CCDC136: variants seen among roughly 807,000 people sequenced by gnomAD.
CCDC136 encodes the protein coiled-coil domain containing 136, also known as coiled-coil domain-containing protein 136.
A neutral mutation model predicts 141.2 loss-of-function variants in CCDC136; 100 were observed. That is an observed-to-expected ratio of 0.71 (90% confidence interval 0.60 to 0.84). The LOEUF (loss-of-function observed/expected upper bound fraction) is 0.84. Among genes scored for constraint, CCDC136 ranks in the 40% least tolerant of loss-of-function variants. CCDC136 has a pLI of 0.00. For synonymous variants in CCDC136, 474 were observed against 531.9 expected (o/e 0.89, Z 1.50); for missense variants, 1,206 against 1,379.4 (o/e 0.87, Z 1.99).
Position 128,805,606 on chromosome 7 carries a change from A to G in CCDC136, c.948+82A>G. The G allele has an allele frequency of 6.5e-7, 1 of 1,526,946 alleles. No homozygotes were observed. The highest frequency in any genetic ancestry group is 8.9e-7 in the Non-Finnish European group (1 of 1,121,302). The allele number at this position is 1,526,946 out of a possible 1,614,324, so 94.6% of individuals were successfully genotyped here. On this transcript the variant is annotated intron_variant, in intron 6 of 17. Coordinates refer to ENST00000297788, the MANE Select transcript of CCDC136 (RefSeq NM_022742.5). The surrounding 1 kb of genome is among the most constrained non-coding windows in gnomAD (Gnocchi z 4.6). ...CCCAGCCTGTGGTAGAAACATCTCC[A>G]TAGGCATCCACTGTGGAGGGAGATA... is the stretch of plus-strand genomic sequence containing the variant.
rs1807430356 is a variant in CCDC136 at position 128,821,490 on chromosome 7, T to G, written c.*6-309T>G. Among the ~76,000 whole-genome samples, 4 of 152,186 alleles carry G rather than the reference T, an allele frequency of 2.6e-5. No homozygotes were observed. On this transcript the variant is annotated intron_variant, in intron 17 of 17. Coordinates refer to ENST00000297788, the MANE Select transcript of CCDC136 (RefSeq NM_022742.5). The surrounding 1 kb of genome is among the most constrained non-coding windows in gnomAD (Gnocchi z 5.1). ...TCTTGCCATGGCATCCAGTCCTTTC[T>G]CATTGCAACCACTTGGAAGTCTGGC...
chr7:128,813,833 T>A (rs567782283), intron 14 of CCDC136, among the ~76,000 whole-genome samples: 52 of 152,026 alleles, frequency 3.4e-4, no homozygotes, highest in African/African-American at 1.3e-3. Context: ...ATACACAAAA[T>A]TAGCTGGGCA....
At chr7:128,803,284 G>A (rs1366148965) in intron 4 of CCDC136, among the ~76,000 whole-genome samples, 1 of 152,154 alleles carries the variant, frequency 6.6e-6, no homozygotes, top group Non-Finnish European at 1.5e-5. Context: ...GGGATCACAG[G>A]TGTAAACCAC....
chr7:128,815,970 G>A (rs374229736), intron 16 of CCDC136, 39 bp downstream of exon 16: 4 of 1,570,986 alleles, frequency 2.5e-6, no homozygotes, highest in African/African-American at 1.4e-5. Flanking sequence ...GGGAAGTGGG[G>A]TCTTGGGCTC....
chr7:128,812,602 C>G, intron 13 of CCDC136, 106 bp from the exon 14 acceptor site: 1 of 897,576 alleles, frequency 1.1e-6, no homozygotes, highest in Non-Finnish European at 1.8e-6. Context: ...GCGGGCATCT[C>G]TGGATCCTGG....
chr7:128,819,399 G>T (rs932195364), intron 17 of CCDC136, among the ~76,000 whole-genome samples: 1 of 152,194 alleles, frequency 6.6e-6, no homozygotes, highest in Non-Finnish European at 1.5e-5. Flanking sequence ...TTGTCCCAGG[G>T]AGCAAAATGC....
Position 128,817,096 on chromosome 7 carries a change from A to C in CCDC136, c.3364-662A>C, listed in dbSNP as rs1806751597. On this transcript the variant is annotated intron_variant, in intron 16 of 17. Coordinates refer to ENST00000297788, the MANE Select transcript of CCDC136 (RefSeq NM_022742.5). The surrounding 1 kb of genome is among the most constrained non-coding windows in gnomAD (Gnocchi z 4.6). The stretch of plus-strand genomic sequence containing the variant: ...TTCTAAAGCTAGACCTGATTTTTCT[A>C]CTTCAAATATATTCTATGTTTCTAT... 6.6e-6 allele frequency among the ~76,000 whole-genome samples: 1 copy of C among 152,094 alleles called. No homozygotes were observed. Among genetic ancestry groups the C allele is most frequent in the African/African-American group, 2.4e-5 (1 of 41,398 alleles).
intron 1 of CCDC136, among the ~76,000 whole-genome samples, chr7:128,792,847 C>G (rs900250576): frequency 1.4e-4 from 22 of 152,218 alleles, no homozygotes; most frequent in Non-Finnish European, 7.3e-5. Context: ...CGAATGGAAG[C>G]CTGTGGCTTT....
intron 10 of CCDC136, 148 bp downstream of exon 10, chr7:128,807,693 A>G (rs765906087): frequency 6.2e-6 from 3 of 484,440 alleles, no homozygotes; most frequent in Non-Finnish European, 3.6e-6. Context: ...GCTAACTTCA[A>G]AATTGTTTGC....
rs769245943 is a variant in CCDC136, at chr7:128,801,203, C to T, written c.364C>T (p.Arg122Trp). ...CTTTGCAGGTGAGCTGCGTTCTCTACGGGAGGAGATTTCCCTGTTAGAGCA... is the reference window on the plus strand; with the variant it reads ...CTTTGCAGGTGAGCTGCGTTCTCTATGGGAGGAGATTTCCCTGTTAGAGCA... ...QQLQGELRSL[R>W]EEISLLEHEK... The change falls in exon 4 of 18, where the codon CGG (arginine) becomes TGG (tryptophan). Residue 122 changes from arginine (R) to tryptophan (W), a missense_variant. Physicochemically the swap from Arg to Trp is moderately radical, Grantham distance 101. Coordinates refer to ENST00000297788, the MANE Select transcript of CCDC136 (RefSeq NM_022742.5). The T allele has an allele frequency of 9.9e-6, 16 of 1,612,906 alleles. No individual in the cohort carries two copies. Among genetic ancestry groups the T allele is most frequent in the South Asian group, 1.1e-5 (1 of 90,978 alleles).
At chr7:128,809,403 T>C (rs1047377155) in intron 10 of CCDC136, 47 bp from the exon 11 acceptor site, 2 of 1,341,112 alleles carry the variant, frequency 1.5e-6, no homozygotes, top group African/African-American at 1.5e-5. Flanking sequence ...CCCAAGAAGC[T>C]TACCTTACAG....
At position 128,814,898 on chromosome 7, in the gene CCDC136, G is replaced by C. The variant is rs1213825108; in HGVS notation, c.3024G>C (p.Glu1008Asp). The C allele has an allele frequency of 6.3e-7, 1 of 1,597,268 alleles. No individual in the cohort carries two copies. The highest frequency in any genetic ancestry group is 1.7e-5 in the Admixed American group (1 of 58,056). ...KVTKPCSDTS[E>D]SDLETRKSLE... Reference sequence around the variant, plus strand: ...CCAAGCCATGCTCGGATACTTCTGAGAGCGACCTTGAGACCAGAAAGGTGA... The same window carrying C: ...CCAAGCCATGCTCGGATACTTCTGACAGCGACCTTGAGACCAGAAAGGTGA... The change falls in exon 15 of 18, where the codon GAG becomes GAC. Residue 1008 changes from glutamate (E) to aspartate (D), a missense_variant. By Grantham distance (45) the Glu-to-Asp change is conservative. Transcript: ENST00000297788.
Position 128,805,729 on chromosome 7 carries a change from AAAC to A in CCDC136, c.949-29_949-27del. Reference sequence around the variant, plus strand: ...TTGGAGCATATGTGGTATCTGTAGTAAACAAGCCTCCCTGTTCCATTTCCCACA... The same window carrying A: ...TTGGAGCATATGTGGTATCTGTAGTAAAGCCTCCCTGTTCCATTTCCCACA... On this transcript the variant is annotated intron_variant, in intron 6 of 17. Coordinates refer to ENST00000297788, the MANE Select transcript of CCDC136 (RefSeq NM_022742.5). This position sits in a 1 kb window ranked among gnomAD's most constrained non-coding sequence, Gnocchi z 4.6. 1 of 1,607,790 alleles carries A rather than the reference AAAC, an allele frequency of 6.2e-7. No homozygotes were observed. Among genetic ancestry groups the A allele is most frequent in the Non-Finnish European group, 8.5e-7 (1 of 1,176,808 alleles).
At chr7:128,818,880 C>G (rs996297824) in intron 17 of CCDC136, among the ~76,000 whole-genome samples, 1 of 152,172 alleles carries the variant, frequency 6.6e-6, no homozygotes, top group African/African-American at 2.4e-5. Context: ...CCTCCACTCC[C>G]CTCTCTTCTC....
rs369256399 is a variant in CCDC136 at position 128,817,760 on chromosome 7, A to C, written c.3366A>C (p.Ser1122=). 2 of 1,612,212 alleles carry C rather than the reference A, an allele frequency of 1.2e-6. No individual in the cohort carries two copies. Among genetic ancestry groups the C allele is most frequent in the Non-Finnish European group, 1.7e-6 (2 of 1,178,596 alleles). Residue 1122 remains serine, a splice_region_variant and synonymous_variant, in exon 17 of 18, where the codon TCA becomes TCC. Coordinates refer to ENST00000297788, the MANE Select transcript of CCDC136 (RefSeq NM_022742.5). The surrounding 1 kb of genome is among the most constrained non-coding windows in gnomAD (Gnocchi z 4.6). ...NPLRLSESKK[S]SPTPNPPIFS... ...TTTCTCATTTTGGTGTGTTGCAGTC[A>C]TCCCCTACCCCCAATCCCCCCATCT...
intron 1 of CCDC136, among the ~76,000 whole-genome samples, chr7:128,793,111 C>T (rs62479601): frequency 0.092 from 14,062 of 152,304 alleles, 790 homozygotes; most frequent in East Asian, 0.22. Flanking sequence ...GAACCTAAGG[C>T]TGCTGATATT....
At chr7:128,806,120 C>T in intron 7 of CCDC136, 117 bp from the exon 8 acceptor site, 1 of 1,064,754 alleles carries the variant, frequency 9.4e-7, no homozygotes, top group South Asian at 1.7e-5. Context: ...GAAACCAAAC[C>T]CTAGACCTGT....
At chr7:128,810,749 ATC>A (rs1805589565) in intron 12 of CCDC136, among the ~76,000 whole-genome samples, 1 of 152,256 alleles carries the variant, frequency 6.6e-6, no homozygotes, top group African/African-American at 2.4e-5. Flanking sequence ...TCTAAATGTC[ATC>A]TTTTTCTTGA....
At position 128,794,943 on chromosome 7, in the gene CCDC136, C is replaced by G. The variant is rs1055127510; in HGVS notation, c.346+175C>G. 3.3e-5 allele frequency among the ~76,000 whole-genome samples: 5 copies of G among 152,232 alleles called. No individual in the cohort carries two copies. The highest frequency in any genetic ancestry group is 1.2e-4 in the African/African-American group (5 of 41,454). ...CCTCTCCTTGTCTCTCCATCCTCCT[C>G]TGTCCCCAGTTTTCTTTCTTTGCAC... is the stretch of plus-strand genomic sequence containing the variant. On this transcript the variant is annotated intron_variant, in intron 3 of 17. Transcript: ENST00000297788. The surrounding 1 kb of genome is among the most constrained non-coding windows in gnomAD (Gnocchi z 4.3).
Sources: gnomAD v4.1 joint callset for allele counts (sites outside exome capture counted in the v4.1 genomes callset) on GRCh38, gnomAD v4.1.1 for gene constraint, Gnocchi (gnomAD v3.1) non-coding constraint, MANE v1.5 for transcripts, NCBI Gene and HGNC (gene_info 2026-07-23, HGNC 2026-07-21) for gene names.